The following RAD18 variants were observed in gnomAD, a reference collection of about 807,000 sequenced individuals.
RAD18 encodes the protein E3 ubiquitin-protein ligase RAD18.
A neutral mutation model predicts 60.4 loss-of-function variants in RAD18; 47 were observed. The ratio of observed to expected loss-of-function variants is 0.78; its 90% CI spans 0.62 to 0.99. The LOEUF (loss-of-function observed/expected upper bound fraction) is 0.99. Among genes scored for constraint, RAD18 ranks in the 50% least tolerant of loss-of-function variants. The probability of loss-of-function intolerance (pLI) is 0.00; values close to 1 mark genes in which losing one functional copy is unlikely to be tolerated. For synonymous variants in RAD18, 225 were observed against 195.5 expected (o/e 1.15, Z -1.26); for missense variants, 640 against 593.3 (o/e 1.08, Z -0.82).
chr3:8,954,522 T>C (rs570771745), intron 2 of RAD18, among the ~76,000 whole-genome samples: 1 of 152,254 alleles, frequency 6.6e-6, no homozygotes, highest in African/African-American at 2.4e-5. Flanking sequence ...GTTTTATGGG[T>C]TGGAGTAAGT....
At chr3:8,893,693 ATTTTTTTTTT>A (rs71049754) in intron 11 of RAD18, among the ~76,000 whole-genome samples, 2 of 104,794 alleles carry the variant, frequency 1.9e-5, no homozygotes, top group African/African-American at 6.5e-5. Context: ...AGCTTTTTTA[ATTTTTTTTTT>A]TTTTTTTTTT....
chr3:8,891,973 G>T (rs1328379292), intron 11 of RAD18, among the ~76,000 whole-genome samples: 3 of 152,112 alleles, frequency 2.0e-5, no homozygotes, highest in Non-Finnish European at 4.4e-5. Flanking sequence ...AGACACTTAG[G>T]TATAGCAGTC....
At chr3:8,944,562 G>C (rs191486309) in intron 4 of RAD18, among the ~76,000 whole-genome samples, 1 of 150,372 alleles carries the variant, frequency 6.7e-6, no homozygotes, top group Admixed American at 6.6e-5. Context: ...AGGAAAGGGA[G>C]GGAGGAATAG....
intron 6 of RAD18, among the ~76,000 whole-genome samples, chr3:8,937,617 G>A (rs1279561190): frequency 6.6e-6 from 1 of 151,960 alleles, no homozygotes; most frequent in Non-Finnish European, 1.5e-5. Context: ...CCGTGGCCAA[G>A]ATACAACTAA....
intron 4 of RAD18, among the ~76,000 whole-genome samples, chr3:8,946,718 TAATA>T (rs1317756357): frequency 1.3e-5 from 2 of 152,198 alleles, no homozygotes; most frequent in Admixed American, 6.5e-5. Flanking sequence ...ATTAACAGAT[TAATA>T]TATAGCAGAC....
At chr3:8,894,208 G>A (rs1939745980) in intron 11 of RAD18, among the ~76,000 whole-genome samples, 1 of 152,104 alleles carries the variant, frequency 6.6e-6, no homozygotes, top group Non-Finnish European at 1.5e-5. Context: ...TATCAATAAG[G>A]TTTTTGTCGC....
At chr3:8,942,103 T>C (rs1166030867) in intron 4 of RAD18, among the ~76,000 whole-genome samples, 1 of 152,124 alleles carries the variant, frequency 6.6e-6, no homozygotes, top group Non-Finnish European at 1.5e-5. Context: ...AATATACTGA[T>C]ATAGTCTGGA....
intron 7 of RAD18, among the ~76,000 whole-genome samples, chr3:8,915,486 G>A (rs1260773342): frequency 1.3e-5 from 2 of 151,922 alleles, no homozygotes; most frequent in Non-Finnish European, 2.9e-5. Flanking sequence ...TAAACTTTTT[G>A]ATGAACTGCA....
intron 12 of RAD18, among the ~76,000 whole-genome samples, chr3:8,882,224 C>T (rs1022390410): frequency 7.2e-5 from 11 of 152,208 alleles, no homozygotes; most frequent in African/African-American, 2.7e-4. Context: ...GAAACTCCCC[C>T]TGGGGCTCTA....
chr3:8,957,364 TA>T (rs371826285), intron 2 of RAD18, among the ~76,000 whole-genome samples: 1 of 151,592 alleles, frequency 6.6e-6, no homozygotes, highest in Non-Finnish European at 1.5e-5. Flanking sequence ...GCAACGATCC[TA>T]AAAAAAACGA....
intron 7 of RAD18, among the ~76,000 whole-genome samples, chr3:8,933,250 A>G (rs1345964650): frequency 6.6e-6 from 1 of 152,184 alleles, no homozygotes; most frequent in Non-Finnish European, 1.5e-5. Flanking sequence ...CTTATGTGAC[A>G]GTCTAGAAAA....
intron 9 of RAD18, among the ~76,000 whole-genome samples, chr3:8,906,878 A>C (rs1940015472): frequency 1.3e-5 from 2 of 151,076 alleles, no homozygotes; most frequent in East Asian, 3.9e-4. Flanking sequence ...TCTTGGTTTT[A>C]ATTTCTTCTT....
chr3:8,923,745 G>C (rs1559780312), intron 7 of RAD18, among the ~76,000 whole-genome samples: 1 of 152,174 alleles, frequency 6.6e-6, no homozygotes, highest in Non-Finnish European at 1.5e-5. Context: ...CCAGAAGAAA[G>C]TGGGGGCCAA....
intron 1 of RAD18, among the ~76,000 whole-genome samples, chr3:8,960,522 A>G (rs570538660): frequency 2.3e-4 from 35 of 152,368 alleles, no homozygotes; most frequent in African/African-American, 8.4e-4. Flanking sequence ...GGTCCATATG[A>G]TGAAATATTA....
intron 4 of RAD18, among the ~76,000 whole-genome samples, chr3:8,942,287 G>T (rs1223445963): frequency 6.6e-6 from 1 of 152,136 alleles, no homozygotes; most frequent in Non-Finnish European, 1.5e-5. Context: ...TTAAAAGGGT[G>T]TGGCACCTCC....
At chr3:8,910,696 C>T (rs1206850890) in intron 9 of RAD18, among the ~76,000 whole-genome samples, 1 of 151,748 alleles carries the variant, frequency 6.6e-6, no homozygotes. Context: ...ATGTATCTAA[C>T]TAAATACTGA....
intron 9 of RAD18, among the ~76,000 whole-genome samples, chr3:8,906,740 T>A (rs1044226018): frequency 1.3e-5 from 2 of 151,768 alleles, no homozygotes; most frequent in South Asian, 2.1e-4. Context: ...GTCTCTGTTA[T>A]TCCATCTGGG....
intron 8 of RAD18, among the ~76,000 whole-genome samples, chr3:8,912,991 A>G (rs1190358114): frequency 2.0e-5 from 3 of 152,022 alleles, no homozygotes; most frequent in African/African-American, 7.2e-5. Context: ...TACTTTCTTA[A>G]GGTAACCATT....
intron 9 of RAD18, among the ~76,000 whole-genome samples, chr3:8,911,216 C>CT (rs2125054445): frequency 6.6e-6 from 1 of 152,272 alleles, no homozygotes; most frequent in South Asian, 2.1e-4. Flanking sequence ...TTTTAGATAT[C>CT]TAAATGGTGG....
Sources: gnomAD v4.1 joint callset for allele counts (sites outside exome capture counted in the v4.1 genomes callset) on GRCh38, gnomAD v4.1.1 for gene constraint, MANE v1.5 for transcripts, NCBI Gene and HGNC (gene_info 2026-07-23, HGNC 2026-07-21) for gene names.